DNAH7: variants seen among roughly 807,000 people sequenced by gnomAD.
DNAH7 encodes dynein axonemal heavy chain 7.
DNAH7 carries 397 observed loss-of-function variants against 444.6 expected under a neutral mutation model. That is an observed-to-expected ratio of 0.89 (90% CI 0.82 to 0.97). DNAH7 has a LOEUF of 0.97. Among genes scored for constraint, DNAH7 ranks in the 50% least tolerant of loss-of-function variants. The pLI is 0.00. For synonymous variants in DNAH7, 1,636 were observed against 1,624.4 expected (o/e 1.01, Z -0.17); for missense variants, 4,902 against 4,800.8 (o/e 1.02, Z -0.62).
chr2:195,882,732 C>T (rs1315047303), intron 35 of DNAH7, among the ~76,000 whole-genome samples: 1 of 152,188 alleles, frequency 6.6e-6, no homozygotes, highest in African/African-American at 2.4e-5. Flanking sequence ...AACACCACCA[C>T]CCTTCTTGCA....
intron 19 of DNAH7, among the ~76,000 whole-genome samples, chr2:195,956,235 T>C (rs1690644582): frequency 6.6e-6 from 1 of 152,238 alleles, no homozygotes; most frequent in South Asian, 2.1e-4. Flanking sequence ...TTATCCTACC[T>C]TATAGTATTA....
chr2:195,740,855 C>T lies in DNAH7; in HGVS notation c.11779G>A (p.Gly3927Arg), dbSNP rs751036536. Residue 3927 changes from glycine (G) to arginine (R), a missense_variant, in exon 64 of 65, where the codon GGA becomes AGA. Gly to Arg is a moderately radical substitution (Grantham distance 125). Transcript: ENST00000312428. ...HPPEDGVFIH[G>R]LFLDGASWNR... ...CAGGAAGCTCCATCCAGAAATAATC[C>T]GTGAATGAAAACACCTAAATATAAA... 1.7e-5 allele frequency: 26 copies of T among 1,542,694 alleles called. No homozygotes were observed. In the East Asian group the frequency reaches 2.1e-4, roughly 13 times the overall value.
At chr2:195,786,543 C>T (rs1295812846) in intron 58 of DNAH7, among the ~76,000 whole-genome samples, 1 of 151,850 alleles carries the variant, frequency 6.6e-6, no homozygotes, top group Non-Finnish European at 1.5e-5. Context: ...GTCTATACCC[C>T]AGGTTAACAC....
intron 2 of DNAH7, among the ~76,000 whole-genome samples, chr2:196,057,618 T>C (rs1418702513): frequency 6.6e-6 from 1 of 152,234 alleles, no homozygotes. Flanking sequence ...AGTTTTTTTA[T>C]TTCAAAACAT....
intron 60 of DNAH7, among the ~76,000 whole-genome samples, chr2:195,774,558 T>A (rs1342702377): frequency 6.6e-6 from 1 of 152,236 alleles, no homozygotes; most frequent in East Asian, 1.9e-4. Flanking sequence ...CACAGTGGTT[T>A]AGAACACAAG....
rs749876441 is a variant in DNAH7, at chr2:195,777,917, G to A, written c.10947C>T (p.Asp3649=). Residue 3649 remains aspartate, a synonymous_variant, in exon 59 of 65, where the codon GAC becomes GAT. Coordinates refer to ENST00000312428, the MANE Select transcript of DNAH7 (RefSeq NM_018897.3). ...TGCTGCGCAGCGTGCGCCGGTCCCA[G>A]TCATCGGTCACTCTGCCTCCGTAAT... is the stretch of plus-strand genomic sequence containing the variant. The part of the protein sequence containing the change: ...ECNYGGRVTD[D]WDRRTLRSIL... 1.1e-5 allele frequency: 17 copies of A among 1,614,048 alleles called. No individual in the cohort carries two copies. The South Asian group carries it at 1.9e-4, about 18-fold the overall frequency.
chr2:196,034,473 C>A (rs1477044232), intron 5 of DNAH7, among the ~76,000 whole-genome samples: 1 of 152,172 alleles, frequency 6.6e-6, no homozygotes, highest in Admixed American at 6.5e-5. Context: ...TTCACAGTCT[C>A]AACGCAATGC....
intron 37 of DNAH7, among the ~76,000 whole-genome samples, 192 bp from the exon 38 acceptor site, chr2:195,876,035 A>T (rs1701034154): frequency 6.6e-6 from 1 of 152,216 alleles, no homozygotes; most frequent in African/African-American, 2.4e-5. Flanking sequence ...CTTAAGAAAT[A>T]GGGAGACATT....
At chr2:196,035,607 G>C (rs566294034) in intron 5 of DNAH7, among the ~76,000 whole-genome samples, 1 of 152,296 alleles carries the variant, frequency 6.6e-6, no homozygotes, top group East Asian at 1.9e-4. Flanking sequence ...ACATCAAGTA[G>C]ATCATCTAGG....
intron 38 of DNAH7, among the ~76,000 whole-genome samples, chr2:195,874,312 C>G (rs75519135): frequency 0.013 from 1,937 of 152,050 alleles, 45 homozygotes; most frequent in East Asian, 0.068. Flanking sequence ...AAATATAAAA[C>G]AGTTTAAGGA....
chr2:196,019,453 CAT>C lies in DNAH7; in HGVS notation c.744-160_744-159del, dbSNP rs1207188753. Among the ~76,000 whole-genome samples the C allele has an allele frequency of 3.3e-5, 5 of 152,030 alleles. No individual in the cohort carries two copies. In the East Asian group the frequency reaches 9.6e-4, roughly 29 times the overall value. ...ATTATGTTTTAAAATATATAAAGAT[CAT>C]ATGTTTTATGGTTTAGTATAATTTC... is the stretch of plus-strand genomic sequence containing the variant. On this transcript the variant is annotated intron_variant, in intron 8 of 64. Transcript: ENST00000312428.
At chr2:196,024,653 A>C in intron 7 of DNAH7, 149 bp from the exon 8 acceptor site, 1 of 470,364 alleles carries the variant, frequency 2.1e-6, no homozygotes, top group Non-Finnish European at 3.6e-6. Context: ...TTATGAGGAG[A>C]AGAAAATTTT....
At chr2:195,905,957 A>T (rs1686989802) in intron 27 of DNAH7, among the ~76,000 whole-genome samples, 1 of 152,122 alleles carries the variant, frequency 6.6e-6, no homozygotes, top group Non-Finnish European at 1.5e-5. Flanking sequence ...ACTCATTGTG[A>T]TATTATTTAT....
chr2:195,929,224 A>G (rs895601917), intron 21 of DNAH7, among the ~76,000 whole-genome samples: 1 of 152,208 alleles, frequency 6.6e-6, no homozygotes, highest in Admixed American at 6.5e-5. Context: ...GAAATCACAG[A>G]TGACACAAAC....
chr2:195,973,407 T>A (rs1386998938), intron 15 of DNAH7, among the ~76,000 whole-genome samples: 1 of 152,056 alleles, frequency 6.6e-6, no homozygotes, highest in East Asian at 1.9e-4. Context: ...TACTGTAAAT[T>A]CCACTTTTTC....
At chr2:195,964,413 G>A (rs895604493) in intron 17 of DNAH7, among the ~76,000 whole-genome samples, 4 of 151,614 alleles carry the variant, frequency 2.6e-5, no homozygotes, top group African/African-American at 7.3e-5. Context: ...ATTGTAAATG[G>A]GATTACTTTT....
intron 21 of DNAH7, among the ~76,000 whole-genome samples, chr2:195,931,859 T>G (rs1688722090): frequency 6.6e-6 from 1 of 152,254 alleles, no homozygotes; most frequent in Non-Finnish European, 1.5e-5. Flanking sequence ...GGTAGCTTGA[T>G]GCCTCCAGCT....
intron 62 of DNAH7, among the ~76,000 whole-genome samples, chr2:195,755,570 C>T (rs1394144375): frequency 1.3e-5 from 2 of 152,164 alleles, no homozygotes; most frequent in Admixed American, 6.5e-5. Context: ...GGAATTTAAC[C>T]ATTTTTATCC....
At position 195,766,167 on chromosome 2, in the gene DNAH7, A is replaced by ATTTTTT. The variant is rs755912873; in HGVS notation, c.11433+5487_11433+5492dup. ...GTTCTCGTTTAATTTGTGGGAGCTA[A>ATTTTTT]TTTTTTTTTTTTTTTTTTTTTTTTG... is the stretch of plus-strand genomic sequence containing the variant. On this transcript the variant is annotated intron_variant, in intron 61 of 64. Transcript: ENST00000312428. Among the ~76,000 whole-genome samples, 234 of 57,328 alleles carry ATTTTTT rather than the reference A, an allele frequency of 4.1e-3. 26 individuals carry two copies. The highest frequency in any genetic ancestry group is 0.01 in the African/African-American group (175 of 16,900). The allele number at this position is 57,328 out of a possible 152,430, so 37.6% of individuals were successfully genotyped here. A position where few individuals can be genotyped will look rare whatever the true frequency, so the allele number is the denominator to read the frequency against.
Sources: allele counts gnomAD v4.1 joint callset (sites outside exome capture counted in the v4.1 genomes callset), GRCh38; gene constraint gnomAD v4.1.1; transcripts MANE v1.5; gene names NCBI Gene and HGNC (gene_info 2026-07-23, HGNC 2026-07-21).